TARBP1: variants seen among roughly 807,000 people sequenced by gnomAD.
TARBP1 encodes tRNA (guanosine(18)-2'-O)-methyltransferase TARBP1.
TARBP1 carries 144 observed loss-of-function variants against 178.6 expected under a neutral mutation model. The ratio of observed to expected loss-of-function variants is 0.81; its 90% CI spans 0.70 to 0.93. The LOEUF (loss-of-function observed/expected upper bound fraction) is 0.93. Ranked by LOEUF, TARBP1 falls within the 40% of genes least tolerant of loss-of-function variation. The probability of loss-of-function intolerance (pLI) is 0.00; values close to 1 mark genes in which losing one functional copy is unlikely to be tolerated. For synonymous variants in TARBP1, 787 were observed against 781.0 expected (o/e 1.01, Z -0.13); for missense variants, 2,067 against 2,011.7 (o/e 1.03, Z -0.53).
intron 12 of TARBP1, among the ~76,000 whole-genome samples, chr1:234,443,809 G>A (rs1157262044): frequency 6.6e-6 from 1 of 152,186 alleles, no homozygotes; most frequent in East Asian, 1.9e-4. Context: ...CTACAACATG[G>A]ATGGACCCAG....
At position 234,478,667 on chromosome 1, in the gene TARBP1, G is replaced by A. The variant is rs1571906558; in HGVS notation, c.437C>T (p.Ala146Val). The A allele has an allele frequency of 1.6e-6, 2 of 1,256,888 alleles. No individual in the cohort carries two copies. The highest frequency in any genetic ancestry group is 2.5e-5 in the South Asian group (1 of 40,140). The allele number at this position is 1,256,888 out of a possible 1,614,324, so 77.9% of individuals were successfully genotyped here. The stretch of plus-strand genomic sequence containing the variant: ...GCGGGGCCGCAAACATGGCCCGACG[G>A]CTGCTAGCACTTCCACGGCAGCCTC... ...GAEAAVEVLA[A>V]VGPCLRPRED... is the part of the protein sequence containing the mutation. The change falls in exon 1 of 30, where the codon GCC becomes GTC. Residue 146 changes from alanine (A) to valine (V), a missense_variant. Transcript: ENST00000040877.
At chr1:234,449,269 T>C (rs1666498417) in intron 10 of TARBP1, among the ~76,000 whole-genome samples, 1 of 152,140 alleles carries the variant, frequency 6.6e-6, no homozygotes, top group African/African-American at 2.4e-5. Flanking sequence ...CACTGAAGGT[T>C]AAAGGGAATA....
At position 234,391,726 on chromosome 1, in the gene TARBP1, G is replaced by A. The variant is rs1187057376; in HGVS notation, c.4717C>T (p.Pro1573Ser). The change falls in exon 30 of 30, where the codon CCA (proline) becomes TCA (serine). Residue 1573 changes from proline (P) to serine (S), a missense_variant. Transcript: ENST00000040877. The stretch of plus-strand genomic sequence containing the variant: ...TCCAACTGTTGGATCAGATTTGCTG[G>A]AATTCCCTCACGTTCATTTCTGAGG... Reference protein sequence around the residue: ...LLLGNEREGIPANLIQQLDVC... With the variant: ...LLLGNEREGISANLIQQLDVC... The A allele has an allele frequency of 6.2e-7, 1 of 1,613,012 alleles. No homozygotes were observed. Among genetic ancestry groups the A allele is most frequent in the East Asian group, 2.2e-5 (1 of 44,900 alleles).
chr1:234,401,051 A>T, intron 25 of TARBP1, 130 bp downstream of exon 25: 1 of 636,486 alleles, frequency 1.6e-6, no homozygotes, highest in Non-Finnish European at 2.6e-6. Context: ...TTAGAACTTT[A>T]AAATGTTAAG....
At chr1:234,406,224 G>T in intron 23 of TARBP1, 125 bp from the exon 24 acceptor site, 1 of 824,050 alleles carries the variant, frequency 1.2e-6, no homozygotes, top group African/African-American at 1.7e-5. Context: ...CACTGGCTTT[G>T]CTACCAGGGC....
At chr1:234,466,660 C>T (rs1230591186) in intron 4 of TARBP1, among the ~76,000 whole-genome samples, 3 of 151,896 alleles carry the variant, frequency 2.0e-5, no homozygotes, top group Admixed American at 6.6e-5. Flanking sequence ...GCCAGGAGTT[C>T]GAGACCAGCC....
At chr1:234,391,956 G>A (rs1454898150) in intron 29 of TARBP1, among the ~76,000 whole-genome samples, 1 of 152,228 alleles carries the variant, frequency 6.6e-6, no homozygotes, top group Admixed American at 6.5e-5. Context: ...TCCATGTTCA[G>A]CTGGCCATGC....
At chr1:234,416,832 T>C (rs1276734634) in intron 22 of TARBP1, among the ~76,000 whole-genome samples, 1 of 151,852 alleles carries the variant, frequency 6.6e-6, no homozygotes, top group African/African-American at 2.4e-5. Context: ...AAGTTTGAAG[T>C]GATTATGGAA....
chr1:234,438,449 G>T (rs1353888462), intron 12 of TARBP1, among the ~76,000 whole-genome samples: 1 of 152,078 alleles, frequency 6.6e-6, no homozygotes, highest in Non-Finnish European at 1.5e-5. Flanking sequence ...AGAAACAGAA[G>T]ATATATAGAA....
chr1:234,392,533 A>G lies in TARBP1; in HGVS notation c.4580T>C (p.Ile1527Thr). 6 of 1,614,096 alleles carry G rather than the reference A, an allele frequency of 3.7e-6. No individual in the cohort carries two copies. Among genetic ancestry groups the G allele is most frequent in the Admixed American group, 1.7e-5 (1 of 60,018 alleles). Residue 1527 changes from isoleucine (I) to threonine (T), a missense_variant, in exon 29 of 30, where the codon ATT becomes ACT. Coordinates refer to ENST00000040877, the MANE Select transcript of TARBP1 (RefSeq NM_005646.4). ...TGTTTTCTTCTGCTGCAGATAATCAATTAGCTGAGGTGGTTTTACCTGAAT... is the reference window on the plus strand; with the variant it reads ...TGTTTTCTTCTGCTGCAGATAATCAGTTAGCTGAGGTGGTTTTACCTGAAT... ...PLVEVKPPQLIDYLQQKKTEG... is the reference protein window; with the variant it reads ...PLVEVKPPQLTDYLQQKKTEG...
At chr1:234,471,921 C>T (rs961503797) in intron 2 of TARBP1, among the ~76,000 whole-genome samples, 4 of 152,206 alleles carry the variant, frequency 2.6e-5, no homozygotes, top group African/African-American at 9.7e-5. Context: ...ATTGACACCT[C>T]ACAATGACTC....
intron 24 of TARBP1, among the ~76,000 whole-genome samples, chr1:234,402,231 G>A (rs889200542): frequency 2.0e-5 from 3 of 152,224 alleles, no homozygotes; most frequent in Non-Finnish European, 2.9e-5. Flanking sequence ...GTGGGAGAAG[G>A]AAGGAGACTG....
At chr1:234,454,769 G>A (rs1303614687) in intron 9 of TARBP1, among the ~76,000 whole-genome samples, 1 of 152,142 alleles carries the variant, frequency 6.6e-6, no homozygotes, top group Non-Finnish European at 1.5e-5. Context: ...TGAAACTCCT[G>A]CAACCCTATG....
intron 8 of TARBP1, 34 bp from the exon 9 acceptor site, chr1:234,457,790 C>A: frequency 1.3e-6 from 2 of 1,509,058 alleles, no homozygotes; most frequent in South Asian, 1.2e-5. Flanking sequence ...AAAAATTACT[C>A]GTATTAAAAT....
rs375247302 is a variant in TARBP1 at position 234,460,426 on chromosome 1, T to C, written c.1400-30A>G. On this transcript the variant is annotated intron_variant, in intron 6 of 29. Transcript: ENST00000040877. ...AAGAAAAAGTTTTAAATTATCATTGTTGCCAATTAGCACATGAAAAGAAGC... is the reference window on the plus strand; with the variant it reads ...AAGAAAAAGTTTTAAATTATCATTGCTGCCAATTAGCACATGAAAAGAAGC... The C allele has an allele frequency of 2.8e-5, 45 of 1,611,116 alleles. No individual in the cohort carries two copies. In the African/African-American group the frequency reaches 5.9e-4, roughly 21 times the overall value.
chr1:234,430,341 A>C (rs767930551), intron 14 of TARBP1, 40 bp from the exon 15 acceptor site: 22 of 1,580,894 alleles, frequency 1.4e-5, no homozygotes, highest in South Asian at 8.9e-5. Flanking sequence ...TAATATGCAC[A>C]AGTCTTAATC....
chr1:234,434,716 G>A (rs1664829487), intron 13 of TARBP1, among the ~76,000 whole-genome samples: 1 of 151,754 alleles, frequency 6.6e-6, no homozygotes, highest in Non-Finnish European at 1.5e-5. Flanking sequence ...TGGCAGAACT[G>A]AAGCTGGGGA....
chr1:234,438,383 T>A (rs1458949171), intron 12 of TARBP1, among the ~76,000 whole-genome samples: 4 of 152,146 alleles, frequency 2.6e-5, no homozygotes, highest in African/African-American at 9.7e-5. Flanking sequence ...TAAAAATGCT[T>A]TAGCAAGCAA....
rs180751655 is a variant in TARBP1 at position 234,426,987 on chromosome 1, T to A, written c.3323+330A>T. On this transcript the variant is annotated intron_variant, in intron 19 of 29. Transcript: ENST00000040877. ...TAAACTTTACTGCCAAAAAAAGGAC[T>A]GGAGAATAAAGTGTCTGTGCTGATA... Among the ~76,000 whole-genome samples the A allele has an allele frequency of 3.5e-4, 54 of 152,320 alleles. No individual in the cohort carries two copies. In the East Asian group the frequency reaches 8.3e-3, roughly 23 times the overall value.
Sources: allele counts gnomAD v4.1 joint callset (sites outside exome capture counted in the v4.1 genomes callset), GRCh38; gene constraint gnomAD v4.1.1; transcripts MANE v1.5; gene names NCBI Gene and HGNC (gene_info 2026-07-23, HGNC 2026-07-21).